Variants in LINGO2 observed in about 807,000 individuals in gnomAD.
LINGO2 encodes the protein leucine rich repeat and Ig domain containing 2.
Under a neutral mutation model 30.6 loss-of-function variants are expected in LINGO2, and 14 were observed. That is an observed-to-expected ratio of 0.46 (90% CI 0.30 to 0.72). The LOEUF (loss-of-function observed/expected upper bound fraction) is 0.72, where lower values mean the gene tolerates loss of function less well. Among genes scored for constraint, LINGO2 ranks in the 30% least tolerant of loss-of-function variants. The pLI, the probability that LINGO2 is intolerant of heterozygous loss-of-function variation, is 0.07. For synonymous variants in LINGO2, 317 were observed against 288.5 expected (o/e 1.10, Z -1.00); for missense variants, 729 against 751.7 (o/e 0.97, Z 0.35).
chr9:28,844,085 G>T, the LINGO2 span, among the ~76,000 whole-genome samples: 2 of 151,804 alleles, frequency 1.3e-5, no homozygotes, highest in African/African-American at 4.9e-5. Context: ...GGAAACGTCG[G>T]GCACAGTGGC....
At chr9:28,742,484 G>A in the LINGO2 span, among the ~76,000 whole-genome samples, 4 of 150,812 alleles carry the variant, frequency 2.7e-5, no homozygotes, top group African/African-American at 9.8e-5. Context: ...GTTGCGATTG[G>A]GCTTTAAACA....
At chr9:28,924,130 T>G in the LINGO2 span, among the ~76,000 whole-genome samples, 2 of 152,250 alleles carry the variant, frequency 1.3e-5, no homozygotes, top group African/African-American at 4.8e-5. Context: ...CCCTGTGTAC[T>G]ATACTTTAAC....
chr9:28,968,752 T>A, the LINGO2 span, among the ~76,000 whole-genome samples: 1 of 152,182 alleles, frequency 6.6e-6, no homozygotes. Context: ...CAAAGAATTA[T>A]CTTCATGTTT....
At chr9:28,233,099 T>C (rs2133944020) in intron 4 of LINGO2, among the ~76,000 whole-genome samples, 2 of 144,532 alleles carry the variant, frequency 1.4e-5, no homozygotes, top group East Asian at 2.0e-4. Flanking sequence ...ATTTTAAATA[T>C]ATGTGTGTGG....
the LINGO2 span, among the ~76,000 whole-genome samples, chr9:29,002,136 C>A: frequency 6.6e-6 from 1 of 151,914 alleles, no homozygotes; most frequent in African/African-American, 2.4e-5. Context: ...TTATTAAAGT[C>A]CCCATTGCTT....
chr9:28,040,027 G>A (rs1824125469), intron 4 of LINGO2, among the ~76,000 whole-genome samples: 1 of 152,204 alleles, frequency 6.6e-6, no homozygotes, highest in East Asian at 1.9e-4. Flanking sequence ...TAATCAGCAT[G>A]AGATAAGGTG....
chr9:27,982,856 G>T (rs992234617), intron 5 of LINGO2, among the ~76,000 whole-genome samples: 1 of 151,838 alleles, frequency 6.6e-6, no homozygotes, highest in African/African-American at 2.4e-5. Flanking sequence ...CCTACACAAT[G>T]GTTGAGGGGA....
At chr9:28,701,507 G>C in the LINGO2 span, among the ~76,000 whole-genome samples, 1 of 151,804 alleles carries the variant, frequency 6.6e-6, no homozygotes, top group Non-Finnish European at 1.5e-5. Context: ...CTGTTCGATC[G>C]ATCTGTCTAT....
At chr9:28,333,001 A>G (rs1379875253) in intron 3 of LINGO2, among the ~76,000 whole-genome samples, 2 of 152,176 alleles carry the variant, frequency 1.3e-5, no homozygotes, top group Non-Finnish European at 2.9e-5. Flanking sequence ...CAAGAAAATG[A>G]AAGTGTTATG....
At chr9:28,003,646 A>T (rs771190840) in intron 5 of LINGO2, among the ~76,000 whole-genome samples, 1 of 152,114 alleles carries the variant, frequency 6.6e-6, no homozygotes, top group Non-Finnish European at 1.5e-5. Flanking sequence ...TATTTTTAGT[A>T]GAAACGGGGT....
At chr9:28,719,103 G>T in the LINGO2 span, among the ~76,000 whole-genome samples, 1 of 152,000 alleles carries the variant, frequency 6.6e-6, no homozygotes. Flanking sequence ...CAACTTACCT[G>T]CATTTGTATC....
At chr9:29,070,663 G>T in the LINGO2 span, among the ~76,000 whole-genome samples, 1 of 151,628 alleles carries the variant, frequency 6.6e-6, no homozygotes, top group Admixed American at 6.6e-5. Flanking sequence ...TTAAGTAGAT[G>T]ACAGGATCTT....
At chr9:28,675,122 A>C (rs1829167193), upstream of LINGO2, among the ~76,000 whole-genome samples, 1 of 152,158 alleles carries the variant, frequency 6.6e-6, no homozygotes, top group African/African-American at 2.4e-5. Flanking sequence ...TATTTAATTT[A>C]TTCCTCAAGA....
chr9:28,454,852 A>G (rs1311926091), intron 2 of LINGO2, among the ~76,000 whole-genome samples: 1 of 152,016 alleles, frequency 6.6e-6, no homozygotes, highest in African/African-American at 2.4e-5. Flanking sequence ...GACAATTTTA[A>G]TATAGATGAA....
chr9:28,656,904 G>A (rs962820730), intron 1 of LINGO2, among the ~76,000 whole-genome samples: 3 of 151,954 alleles, frequency 2.0e-5, no homozygotes, highest in Non-Finnish European at 4.4e-5. Context: ...CTCCTAGATC[G>A]TGCACACTGA....
intron 4 of LINGO2, among the ~76,000 whole-genome samples, chr9:28,103,360 G>T (rs1586991558): frequency 6.6e-6 from 1 of 152,166 alleles, no homozygotes; most frequent in Non-Finnish European, 1.5e-5. Context: ...CTCTTGAACT[G>T]GTTGGTCCAT....
chr9:28,396,506 C>A (rs1822047270), intron 2 of LINGO2, among the ~76,000 whole-genome samples: 1 of 151,838 alleles, frequency 6.6e-6, no homozygotes, highest in Non-Finnish European at 1.5e-5. Flanking sequence ...AGATCAAGAC[C>A]ATCCAGGCTA....
chr9:28,358,218 A>T (rs1820304836), intron 3 of LINGO2, among the ~76,000 whole-genome samples: 1 of 152,118 alleles, frequency 6.6e-6, no homozygotes, highest in Non-Finnish European at 1.5e-5. Context: ...ATTTAATTCT[A>T]TGAAGAACAT....
exon 6 of LINGO2, chr9:27,950,704 G>T: frequency 1.4e-6 from 2 of 1,477,590 alleles, no homozygotes; most frequent in South Asian, 3.1e-5. Context: ...CTTGGTCACG[G>T]GTCTGCATGG....
Sources: allele counts gnomAD v4.1 joint callset (sites outside exome capture counted in the v4.1 genomes callset), GRCh38; gene constraint gnomAD v4.1.1; transcripts MANE v1.5; gene names NCBI Gene and HGNC (gene_info 2026-07-23, HGNC 2026-07-21).